Variants in NUDT1 observed in about 807,000 individuals in gnomAD.
NUDT1 encodes oxidized purine nucleoside triphosphate hydrolase.
In NUDT1, 16 loss-of-function variants were observed where a neutral mutation model predicts 11.3. The ratio of observed to expected loss-of-function variants is 1.41; its 90% confidence interval spans 0.96 to 2.15. The LOEUF (loss-of-function observed/expected upper bound fraction) is 2.15. NUDT1 is among the 30% of genes most tolerant of loss of function. The probability of loss-of-function intolerance (pLI) is 0.00; values close to 1 mark genes in which losing one functional copy is unlikely to be tolerated. For missense variants in NUDT1, 234 were observed against 208.4 expected (o/e 1.12, Z -0.76); for synonymous variants, 101 against 84.4 (o/e 1.20, Z -1.08).
chr7:2,242,496 A>G (rs1794587585), intron 1 of NUDT1: 1 of 428,008 alleles, frequency 2.3e-6, no homozygotes, highest in South Asian at 3.9e-5. Context: ...CCAGGAGTAA[A>G]TCACAAAAAT....
intron 2 of NUDT1, 29 bp from the exon 3 acceptor site, chr7:2,249,828 C>T (rs369679304): frequency 2.5e-6 from 4 of 1,610,354 alleles, no homozygotes; most frequent in Non-Finnish European, 3.4e-6. Flanking sequence ...CCCTGACGGC[C>T]TCCCTCCCCT....
chr7:2,244,469 T>G, intron 1 of NUDT1, 94 bp from the exon 2 acceptor site: 49 of 448,350 alleles, frequency 1.1e-4, no homozygotes, highest in Non-Finnish European at 1.7e-4. Context: ...CGCCCCCCAC[T>G]GCCTCCCAGA....
chr7:2,242,459 G>T, intron 1 of NUDT1: 1 of 497,038 alleles, frequency 2.0e-6, no homozygotes, highest in Non-Finnish European at 3.5e-6. Flanking sequence ...GAGAGACAAG[G>T]AGAGCGGGGC....
At position 2,250,888 on chromosome 7, in the gene NUDT1, G is replaced by A. The variant is rs141913410; in HGVS notation, c.358G>A (p.Asp120Asn). The A allele has an allele frequency of 6.1e-5, 98 of 1,614,044 alleles. No individual in the cohort carries two copies. Among genetic ancestry groups the A allele is most frequent in the Non-Finnish European group, 7.0e-5 (83 of 1,180,028 alleles). The change falls in exon 4 of 4, where the codon GAC (aspartate) becomes AAC (asparagine). Residue 120 changes from aspartate (D) to asparagine (N), a missense_variant. By Grantham distance (23) the Asp-to-Asn change is conservative. Coordinates refer to ENST00000356714, the MANE Select transcript of NUDT1 (RefSeq NM_002452.4). ...QIPFKDMWPD[D>N]SYWFPLLLQK... is the part of the protein sequence containing the mutation. ...CCCCTTCAAGGACATGTGGCCCGAC[G>A]ACAGCTACTGGTTTCCACTCCTGCT...
In NUDT1 at chr7:2,244,750, A is replaced by T. The variant is rs764001916; in HGVS notation, c.152+24A>T. On this transcript the variant is annotated intron_variant, in intron 2 of 3. Coordinates refer to ENST00000356714, the MANE Select transcript of NUDT1 (RefSeq NM_002452.4). Reference sequence around the variant, plus strand: ...AGGTAAGGATGGGGCAGGTCTGGCCATAGAACCGGCTTTCCCAGGGCACAG... The same window carrying T: ...AGGTAAGGATGGGGCAGGTCTGGCCTTAGAACCGGCTTTCCCAGGGCACAG... 1.8e-5 allele frequency: 29 copies of T among 1,595,386 alleles called. No homozygotes were observed. In the Admixed American group the frequency reaches 4.9e-4, roughly 27 times the overall value.
At chr7:2,242,781 G>C (rs35773002) in intron 1 of NUDT1, 11 of 596,572 alleles carry the variant, frequency 1.8e-5, no homozygotes, top group African/African-American at 3.7e-5. Flanking sequence ...GCAGTGTCTA[G>C]GGGTGAATGT....
intron 2 of NUDT1, among the ~76,000 whole-genome samples, chr7:2,247,850 G>A (rs565878737): frequency 4.6e-5 from 7 of 152,370 alleles, no homozygotes; most frequent in South Asian, 4.1e-4. Flanking sequence ...TTTTTAAGAC[G>A]AGCAACAGCC....
At chr7:2,249,710 C>A in intron 2 of NUDT1, 147 bp from the exon 3 acceptor site, 1 of 911,140 alleles carries the variant, frequency 1.1e-6, no homozygotes, top group Non-Finnish European at 1.7e-6. Context: ...CCAGATAATG[C>A]ATTCTAGGGG....
At chr7:2,244,319 G>A (rs560056418) in intron 1 of NUDT1, among the ~76,000 whole-genome samples, 13 of 152,188 alleles carry the variant, frequency 8.5e-5, no homozygotes, top group Admixed American at 4.6e-4. Context: ...AGGTAGCGCC[G>A]GCCTCTGCTC....
intron 1 of NUDT1, 196 bp downstream of exon 1, chr7:2,242,452 A>C: frequency 2.0e-6 from 1 of 492,466 alleles, no homozygotes; most frequent in Non-Finnish European, 3.6e-6. Context: ...TTTGGGAGAG[A>C]GACAAGGAGA....
At chr7:2,245,216 G>C (rs1471525396) in intron 2 of NUDT1, among the ~76,000 whole-genome samples, 1 of 152,220 alleles carries the variant, frequency 6.6e-6, no homozygotes, top group East Asian at 1.9e-4. Flanking sequence ...CTGAAGCCCA[G>C]AGAGGTTGAG....
intron 2 of NUDT1, among the ~76,000 whole-genome samples, chr7:2,249,023 A>T (rs969733316): frequency 6.6e-6 from 1 of 152,216 alleles, no homozygotes; most frequent in African/African-American, 2.4e-5. Flanking sequence ...ACAAATATGT[A>T]ATTTTTAAAT....
intron 2 of NUDT1, 143 bp from the exon 3 acceptor site, chr7:2,249,714 C>T: frequency 1.0e-6 from 1 of 969,312 alleles, no homozygotes; most frequent in South Asian, 1.4e-5. Context: ...ATAATGCATT[C>T]TAGGGGACAT....
At position 2,250,820 on chromosome 7, in the gene NUDT1, T is replaced by A. The variant is rs750323979; in HGVS notation, c.299-9T>A. The A allele has an allele frequency of 4.3e-5, 69 of 1,613,736 alleles. No homozygotes were observed. Among genetic ancestry groups the A allele is most frequent in the Non-Finnish European group, 5.7e-5 (67 of 1,179,816 alleles). ...CACCTCAGTGCCTCCTCTTCCCCCA[T>A]TGGTACAGAAATGCGCCCATGCTGG... On this transcript the variant is annotated splice_polypyrimidine_tract_variant and intron_variant, in intron 3 of 3. Coordinates refer to ENST00000356714, the MANE Select transcript of NUDT1 (RefSeq NM_002452.4).
intron 2 of NUDT1, among the ~76,000 whole-genome samples, chr7:2,248,335 G>A (rs1004301763): frequency 1.1e-4 from 17 of 152,180 alleles, no homozygotes; most frequent in African/African-American, 1.9e-4. Flanking sequence ...GCAAGAACCC[G>A]ACTGAGCACA....
rs1194128335 is a variant in NUDT1 at position 2,242,316 on chromosome 7, C to T, written c.-13+60C>T. 2.3e-5 allele frequency: 17 copies of T among 728,456 alleles called. No individual in the cohort carries two copies. In the East Asian group the frequency reaches 5.6e-4, roughly 24 times the overall value. The allele number at this position is 728,456 out of a possible 1,614,324, so 45.1% of individuals were successfully genotyped here. ...TGGTGACCAGGGAGGGGAGCCGGGC[C>T]AGCGGGCGGCAGGAGACTAGGGGAG... On this transcript the variant is annotated intron_variant, in intron 1 of 3. Coordinates refer to ENST00000356714, the MANE Select transcript of NUDT1 (RefSeq NM_002452.4).
At chr7:2,249,022 T>C (rs1453120214) in intron 2 of NUDT1, among the ~76,000 whole-genome samples, 2 of 152,234 alleles carry the variant, frequency 1.3e-5, no homozygotes, top group Admixed American at 6.5e-5. Context: ...AACAAATATG[T>C]AATTTTTAAA....
intron 1 of NUDT1, chr7:2,242,732 AACAT>A (rs1304055602): frequency 1.3e-5 from 6 of 465,514 alleles, no homozygotes; most frequent in Non-Finnish European, 2.3e-5. Context: ...CCTCTAGGGG[AACAT>A]ACAGACAGGC....
chr7:2,243,192 T>C (rs1794620689), intron 1 of NUDT1: 1 of 569,062 alleles, frequency 1.8e-6, no homozygotes. Context: ...GCGGCTTGTG[T>C]CTCTGCCCAC....
Sources: allele counts gnomAD v4.1 joint callset (sites outside exome capture counted in the v4.1 genomes callset), GRCh38; gene constraint gnomAD v4.1.1; transcripts MANE v1.5; gene names NCBI Gene and HGNC (gene_info 2026-07-23, HGNC 2026-07-21).